Variants in PTPRD observed in about 807,000 individuals in gnomAD.
PTPRD encodes the protein protein tyrosine phosphatase receptor type D, also known as receptor-type tyrosine-protein phosphatase delta.
A neutral mutation model predicts 214.5 loss-of-function variants in PTPRD; 34 were observed. The observed-to-expected ratio is 0.16, with a 90% confidence interval of 0.12 to 0.21. The LOEUF is 0.21. Among genes scored for constraint, PTPRD ranks in the 10% least tolerant of loss-of-function variants. The probability of loss-of-function intolerance (pLI) is 1.00; values close to 1 mark genes in which losing one functional copy is unlikely to be tolerated. For synonymous variants in PTPRD, 1,128 were observed against 845.7 expected (o/e 1.33, Z -5.79); for missense variants, 2,545 against 2,398.7 (o/e 1.06, Z -1.27).
chr9:9,221,977 A>G (rs1327594337), intron 9 of PTPRD, among the ~76,000 whole-genome samples: 1 of 152,116 alleles, frequency 6.6e-6, no homozygotes, highest in Non-Finnish European at 1.5e-5. Flanking sequence ...TGATCTTTAT[A>G]GACATTAAAG....
At chr9:9,375,802 G>C (rs1471477386) in intron 9 of PTPRD, among the ~76,000 whole-genome samples, 2 of 152,110 alleles carry the variant, frequency 1.3e-5, no homozygotes, top group Non-Finnish European at 2.9e-5. Context: ...GGGAGGAGGA[G>C]TTATTGTTTA....
intron 8 of PTPRD, among the ~76,000 whole-genome samples, chr9:9,452,485 A>G (rs765916912): frequency 2.0e-5 from 3 of 151,428 alleles, no homozygotes; most frequent in Non-Finnish European, 3.0e-5. Flanking sequence ...ATGGAAGTAT[A>G]CATCAAAAAT....
intron 13 of PTPRD, among the ~76,000 whole-genome samples, chr9:8,635,468 A>G (rs1377089595): frequency 6.6e-6 from 1 of 152,086 alleles, no homozygotes; most frequent in Non-Finnish European, 1.5e-5. Flanking sequence ...ATAATCAAGT[A>G]TTTGATTTTC....
intron 11 of PTPRD, among the ~76,000 whole-genome samples, chr9:8,881,437 G>A (rs1035091936): frequency 6.6e-6 from 1 of 152,126 alleles, no homozygotes; most frequent in Non-Finnish European, 1.5e-5. Flanking sequence ...TCTCAAACAT[G>A]AGAATATCTT....
Position 8,317,701 on chromosome 9 carries a change from T to C in PTPRD, c.*173A>G. The C allele has an allele frequency of 1.9e-6, 1 of 525,076 alleles. No homozygotes were observed. The highest frequency in any genetic ancestry group is 2.8e-5 in the Admixed American group (1 of 35,316). The allele number at this position is 525,076 out of a possible 1,614,324, so 32.5% of individuals were successfully genotyped here. A position where few individuals can be genotyped will look rare whatever the true frequency, so the allele number is the denominator to read the frequency against. On this transcript the variant is annotated 3_prime_UTR_variant, in exon 46 of 46. Coordinates refer to ENST00000381196, the MANE Select transcript of PTPRD (RefSeq NM_002839.4). ...TCAGGTTAGATTATTAAACTGTGAA[T>C]TCTTGGTCCACCTGGAATAATTTGT...
At chr9:8,912,277 GA>G (rs1299693778) in intron 11 of PTPRD, among the ~76,000 whole-genome samples, 2 of 152,114 alleles carry the variant, frequency 1.3e-5, no homozygotes, top group Non-Finnish European at 2.9e-5. Context: ...TTGGTGAATG[GA>G]TAAACAATGT....
At chr9:9,887,901 T>A (rs1467581454) in intron 5 of PTPRD, among the ~76,000 whole-genome samples, 1 of 152,018 alleles carries the variant, frequency 6.6e-6, no homozygotes, top group Non-Finnish European at 1.5e-5. Flanking sequence ...CCAGTAAACA[T>A]GGGGGCTTAA....
chr9:8,925,694 T>C (rs2098878306), intron 11 of PTPRD, among the ~76,000 whole-genome samples: 1 of 150,798 alleles, frequency 6.6e-6, no homozygotes, highest in Admixed American at 6.7e-5. Flanking sequence ...TCCTCAACTT[T>C]TCCTTTACGC....
At chr9:10,329,483 G>C (rs1054001067) in intron 3 of PTPRD, among the ~76,000 whole-genome samples, 3 of 151,786 alleles carry the variant, frequency 2.0e-5, no homozygotes, top group African/African-American at 4.8e-5. Flanking sequence ...AAATCATGAA[G>C]TCTGTTCATG....
chr9:8,662,303 AAAACAAAC>A (rs147033335), intron 12 of PTPRD, among the ~76,000 whole-genome samples: 16 of 151,938 alleles, frequency 1.1e-4, no homozygotes, highest in African/African-American at 2.2e-4. Flanking sequence ...GCTATGTTGG[AAAACAAAC>A]AAACAAACAA....
At chr9:8,653,266 G>T (rs564309228) in intron 12 of PTPRD, among the ~76,000 whole-genome samples, 1 of 152,250 alleles carries the variant, frequency 6.6e-6, no homozygotes, top group South Asian at 2.1e-4. Flanking sequence ...AATGGCCTCT[G>T]GGGGCTGCCA....
chr9:9,998,794 G>C (rs2096238296), intron 4 of PTPRD, among the ~76,000 whole-genome samples: 1 of 152,168 alleles, frequency 6.6e-6, no homozygotes, highest in Non-Finnish European at 1.5e-5. Context: ...AGATAAGCGA[G>C]GGAAAGGTAG....
chr9:10,535,830 T>C (rs2057651036), intron 2 of PTPRD, among the ~76,000 whole-genome samples: 1 of 152,096 alleles, frequency 6.6e-6, no homozygotes, highest in Admixed American at 6.6e-5. Flanking sequence ...AATCCAGGCA[T>C]ATGGAATAAT....
chr9:9,042,311 C>T (rs324527), intron 10 of PTPRD, among the ~76,000 whole-genome samples: 102,030 of 152,028 alleles, frequency 0.67, 34,445 homozygotes, highest in Admixed American at 0.72. Flanking sequence ...GGATGGGTTC[C>T]GGCAAGATCA....
At chr9:10,405,903 T>C (rs1432239741) in intron 2 of PTPRD, among the ~76,000 whole-genome samples, 1 of 151,462 alleles carries the variant, frequency 6.6e-6, no homozygotes, top group African/African-American at 2.4e-5. Flanking sequence ...AACTTAAAGA[T>C]TGGACTACCT....
intron 3 of PTPRD, among the ~76,000 whole-genome samples, chr9:10,337,236 C>T (rs1007593630): frequency 6.6e-6 from 1 of 151,680 alleles, no homozygotes; most frequent in Admixed American, 6.6e-5. Context: ...ACAGAATTTT[C>T]CCCCTCATTA....
intron 30 of PTPRD, among the ~76,000 whole-genome samples, chr9:8,481,602 G>C (rs10511497): frequency 0.34 from 51,214 of 151,806 alleles, 8,898 homozygotes; most frequent in African/African-American, 0.44. Context: ...CAGTTCTCCT[G>C]TTAGATTTCT....
intron 2 of PTPRD, among the ~76,000 whole-genome samples, chr9:10,430,920 T>C (rs1459160575): frequency 2.6e-5 from 4 of 152,000 alleles, no homozygotes; most frequent in Non-Finnish European, 5.9e-5. Context: ...GGACATATTT[T>C]AAGCTTTTAT....
intron 2 of PTPRD, among the ~76,000 whole-genome samples, chr9:10,399,315 T>TA (rs1565790217): frequency 6.6e-6 from 1 of 151,962 alleles, no homozygotes; most frequent in Non-Finnish European, 1.5e-5. Flanking sequence ...GTTAAACACT[T>TA]ACATATCAAT....
Sources: allele counts gnomAD v4.1 joint callset (sites outside exome capture counted in the v4.1 genomes callset), GRCh38; gene constraint gnomAD v4.1.1; transcripts MANE v1.5; gene names NCBI Gene and HGNC (gene_info 2026-07-23, HGNC 2026-07-21).